The following ARFGEF2 variants were observed in gnomAD, a reference collection of about 807,000 sequenced individuals.
ARFGEF2 encodes the protein ARF guanine nucleotide exchange factor 2, also known as brefeldin A-inhibited guanine nucleotide-exchange protein 2.
In ARFGEF2, 74 loss-of-function variants were observed where a neutral mutation model predicts 219.9. The ratio of observed to expected loss-of-function variants is 0.34; its 90% confidence interval spans 0.28 to 0.41. ARFGEF2 has a LOEUF of 0.41. Ranked by LOEUF, ARFGEF2 falls within the 10% of genes least tolerant of loss-of-function variation. ARFGEF2 has a pLI of 1.00. For synonymous variants in ARFGEF2, 733 were observed against 799.2 expected (o/e 0.92, Z 1.40); for missense variants, 1,743 against 2,218.3 (o/e 0.79, Z 4.30).
intron 1 of ARFGEF2, among the ~76,000 whole-genome samples, chr20:48,931,676 G>A (rs1342232361): frequency 6.6e-6 from 1 of 151,820 alleles, no homozygotes; most frequent in East Asian, 1.9e-4. Flanking sequence ...TATCTGGGGG[G>A]AGGGAGGGCA....
In ARFGEF2 at chr20:48,969,350, C is replaced by T. The variant is rs570400346; in HGVS notation, c.1190+73C>T. On this transcript the variant is annotated intron_variant, in intron 9 of 38. Coordinates refer to ENST00000371917, the MANE Select transcript of ARFGEF2 (RefSeq NM_006420.3). ...GCACATGGTACTGTGTTTCACACTT[C>T]CCTTGTTCCAAGAAGTTTCAGTGTC... is the stretch of plus-strand genomic sequence containing the variant. 3.1e-6 allele frequency: 5 copies of T among 1,611,766 alleles called. No homozygotes were observed. The East Asian group carries it at 6.7e-5, about 22-fold the overall frequency.
chr20:48,945,790 G>A (rs112140215), intron 3 of ARFGEF2, among the ~76,000 whole-genome samples: 1 of 152,190 alleles, frequency 6.6e-6, no homozygotes, highest in Non-Finnish European at 1.5e-5. Flanking sequence ...CTTGGGCCCA[G>A]GAGGTTGAGG....
At chr20:48,992,241 A>C (rs1235371611) in intron 21 of ARFGEF2, among the ~76,000 whole-genome samples, 1 of 152,262 alleles carries the variant, frequency 6.6e-6, no homozygotes, top group African/African-American at 2.4e-5. Context: ...GTTTGAAAGG[A>C]TAGACCAAAG....
At position 49,010,403 on chromosome 20, in the gene ARFGEF2, C is replaced by G; in HGVS notation, c.3756C>G (p.Val1252=). 1 of 1,613,626 alleles carries G rather than the reference C, an allele frequency of 6.2e-7. No individual in the cohort carries two copies. The highest frequency in any genetic ancestry group is 8.5e-7 in the Non-Finnish European group (1 of 1,180,008). The change falls in exon 27 of 39, where the codon GTC becomes GTG. Residue 1252 remains valine, a splice_region_variant and synonymous_variant. Transcript: ENST00000371917. ...ELAFQTTCHI[V]TTIFQHHFPA... is the part of the protein sequence containing the mutation. ...CCTTCCAGACCACTTGCCACATTGTCAGTAAGTGGCTCTGTTCCCTCCCTA... is the reference window on the plus strand; with the variant it reads ...CCTTCCAGACCACTTGCCACATTGTGAGTAAGTGGCTCTGTTCCCTCCCTA...
intron 8 of ARFGEF2, among the ~76,000 whole-genome samples, chr20:48,967,725 C>A (rs185641953): frequency 7.0e-4 from 107 of 152,324 alleles, no homozygotes; most frequent in African/African-American, 2.4e-3. Context: ...GAATACCTGT[C>A]CACCTTTAAT....
intron 3 of ARFGEF2, among the ~76,000 whole-genome samples, chr20:48,950,569 G>A (rs1016555046): frequency 1.3e-5 from 2 of 151,592 alleles, no homozygotes; most frequent in Non-Finnish European, 2.9e-5. Flanking sequence ...ACAGGCAGGA[G>A]GATCGCTTGA....
chr20:48,934,838 A>G (rs2090936570), intron 1 of ARFGEF2, among the ~76,000 whole-genome samples: 4 of 152,222 alleles, frequency 2.6e-5, no homozygotes, highest in East Asian at 1.9e-4. Context: ...TCTTTATAGT[A>G]TAATGATTTG....
At position 49,019,002 on chromosome 20, in the gene ARFGEF2, AG is replaced by A; in HGVS notation, c.4624+6del. ...TGGAAGGGTAGACCATACGCAAGTAAGGCCACTTTTTAATTTGTTTTAAATA... is the reference window on the plus strand; with the variant it reads ...TGGAAGGGTAGACCATACGCAAGTAAGCCACTTTTTAATTTGTTTTAAATA... On this transcript the variant is annotated splice_donor_5th_base_variant and intron_variant, in intron 34 of 38. Transcript: ENST00000371917. The A allele has an allele frequency of 1.9e-6, 3 of 1,609,810 alleles. No individual in the cohort carries two copies. The highest frequency in any genetic ancestry group is 2.6e-6 in the Non-Finnish European group (3 of 1,176,394).
At chr20:48,953,078 ATTTG>A (rs1351091462) in intron 5 of ARFGEF2, among the ~76,000 whole-genome samples, 194 bp downstream of exon 5, 6 of 152,038 alleles carry the variant, frequency 3.9e-5, no homozygotes, top group South Asian at 2.1e-4. Flanking sequence ...TGTGTTCAGA[ATTTG>A]TTTGGAGACT....
chr20:49,010,535 C>A, intron 27 of ARFGEF2, 131 bp downstream of exon 27: 1 of 1,063,802 alleles, frequency 9.4e-7, no homozygotes, highest in South Asian at 1.3e-5. Context: ...TGTGCCAGGC[C>A]GTGTTGTAAG....
chr20:48,949,588 G>C (rs1163223946), intron 3 of ARFGEF2, among the ~76,000 whole-genome samples: 2 of 152,122 alleles, frequency 1.3e-5, no homozygotes, highest in Admixed American at 1.3e-4. Flanking sequence ...ACTCCATCCA[G>C]TAGTATTGCA....
chr20:48,965,739 T>C (rs965130549), intron 7 of ARFGEF2, 133 bp from the exon 8 acceptor site: 4 of 1,045,134 alleles, frequency 3.8e-6, no homozygotes, highest in African/African-American at 3.2e-5. Context: ...ATGTCAGTCA[T>C]GGGCTGGTGG....
intron 25 of ARFGEF2, among the ~76,000 whole-genome samples, chr20:49,003,831 A>G (rs1351141691): frequency 6.6e-6 from 1 of 152,194 alleles, no homozygotes; most frequent in Non-Finnish European, 1.5e-5. Context: ...TAGGCAAACC[A>G]TAGACAAGTA....
At chr20:48,988,262 C>A in intron 16 of ARFGEF2, 42 bp from the exon 17 acceptor site, 2 of 1,429,558 alleles carry the variant, frequency 1.4e-6, no homozygotes, top group Non-Finnish European at 2.0e-6. Flanking sequence ...CCTTCCAAAC[C>A]GCATCACCAT....
chr20:48,922,091 C>T lies in ARFGEF2; in HGVS notation c.121+81C>T, dbSNP rs762891537. 4.7e-4 allele frequency: 699 copies of T among 1,496,484 alleles called. 2 individuals are homozygous for T. Among genetic ancestry groups the T allele is most frequent in the Non-Finnish European group, 6.1e-4 (679 of 1,117,810 alleles). The allele number at this position is 1,496,484 out of a possible 1,614,324, so 92.7% of individuals were successfully genotyped here. Reference sequence around the variant, plus strand: ...CCTATCCTACTCGGCCTTGGCCCGGCCTCCTGGCCTCCGCTTCCCCCCGAT... The same window carrying T: ...CCTATCCTACTCGGCCTTGGCCCGGTCTCCTGGCCTCCGCTTCCCCCCGAT... On this transcript the variant is annotated intron_variant, in intron 1 of 38. Transcript: ENST00000371917.
intron 14 of ARFGEF2, among the ~76,000 whole-genome samples, chr20:48,984,079 A>G (rs1247734630): frequency 6.6e-6 from 1 of 152,080 alleles, no homozygotes; most frequent in Non-Finnish European, 1.5e-5. Flanking sequence ...AAAAATAAAT[A>G]CAAAATAACA....
At chr20:48,999,105 G>T (rs2091409089) in intron 25 of ARFGEF2, 3 of 334,436 alleles carry the variant, frequency 9.0e-6, no homozygotes, top group South Asian at 7.0e-5. Flanking sequence ...GGGCGTGGTG[G>T]TGTGCACCTG....
intron 14 of ARFGEF2, among the ~76,000 whole-genome samples, chr20:48,981,506 T>C (rs2091295759): frequency 6.6e-6 from 1 of 152,204 alleles, no homozygotes; most frequent in South Asian, 2.1e-4. Flanking sequence ...TCTCTGTATT[T>C]CCTGAATTTG....
intron 1 of ARFGEF2, among the ~76,000 whole-genome samples, chr20:48,927,048 C>G (rs1450297643): frequency 6.6e-6 from 1 of 152,136 alleles, no homozygotes; most frequent in African/African-American, 2.4e-5. Flanking sequence ...GGTGAGGAAA[C>G]AGATGGTGAG....
Sources: gnomAD v4.1 joint callset for allele counts (sites outside exome capture counted in the v4.1 genomes callset) on GRCh38, gnomAD v4.1.1 for gene constraint, MANE v1.5 for transcripts, NCBI Gene and HGNC (gene_info 2026-07-23, HGNC 2026-07-21) for gene names.